Variants in PIK3C2G observed in about 807,000 individuals in gnomAD.
PIK3C2G encodes phosphatidylinositol-4-phosphate 3-kinase catalytic subunit type 2 gamma.
In PIK3C2G, 168 loss-of-function variants were observed where a neutral mutation model predicts 181.1. That is an observed-to-expected ratio of 0.93 (90% CI 0.82 to 1.05). The LOEUF (loss-of-function observed/expected upper bound fraction) is 1.05. PIK3C2G is among the 50% of genes least tolerant of loss of function. The probability of loss-of-function intolerance (pLI) is 0.00; values close to 1 mark genes in which losing one functional copy is unlikely to be tolerated. For missense variants in PIK3C2G, 1,869 were observed against 1,732.8 expected, an observed-to-expected ratio of 1.08 and a Z score of -1.40; for synonymous variants, 573 against 592.2, an observed-to-expected ratio of 0.97 and a Z score of 0.47.
chr12:18,611,835 T>C (rs1017821478), intron 31 of PIK3C2G, among the ~76,000 whole-genome samples: 1 of 152,124 alleles, frequency 6.6e-6, no homozygotes, highest in Non-Finnish European at 1.5e-5. Context: ...CTTCCACTTT[T>C]GGTTGAAGTC....
chr12:18,696,275 G>T, the PIK3C2G span: 17 of 1,297,110 alleles, frequency 1.3e-5, no homozygotes, highest in African/African-American at 1.7e-5. Flanking sequence ...GACTGAAAAA[G>T]AATAATTAAA....
the PIK3C2G span, chr12:18,714,881 C>A: frequency 6.6e-6 from 1 of 151,958 alleles, no homozygotes; most frequent in African/African-American, 2.4e-5. Flanking sequence ...GTTTGAGAAA[C>A]CCTGCTGTAA....
chr12:18,546,479 A>G, intron 26 of PIK3C2G, 47 bp downstream of exon 26: 1 of 990,750 alleles, frequency 1.0e-6, no homozygotes, highest in Non-Finnish European at 1.6e-6. Context: ...GAATGTACGC[A>G]GACACATGTT....
intron 1 of PIK3C2G, among the ~76,000 whole-genome samples, chr12:18,279,401 C>T (rs1406926644): frequency 6.6e-6 from 1 of 151,842 alleles, no homozygotes. Context: ...ACAAGATCGT[C>T]CAGCCTAAAG....
At chr12:18,612,921 T>C (rs561035162) in intron 31 of PIK3C2G, among the ~76,000 whole-genome samples, 2 of 152,258 alleles carry the variant, frequency 1.3e-5, no homozygotes, top group South Asian at 2.1e-4. Flanking sequence ...GCTAAAATTC[T>C]TTCCCTTTCA....
chr12:18,482,809 C>T (rs1017234753), intron 18 of PIK3C2G, among the ~76,000 whole-genome samples: 3 of 152,146 alleles, frequency 2.0e-5, no homozygotes, highest in African/African-American at 4.8e-5. Context: ...AAGTGGACAT[C>T]GTGGACTCAC....
intron 20 of PIK3C2G, among the ~76,000 whole-genome samples, chr12:18,495,128 CGTT>C (rs939307152): frequency 3.3e-5 from 5 of 152,142 alleles, no homozygotes; most frequent in African/African-American, 1.2e-4. Flanking sequence ...TTGTAGATAA[CGTT>C]GTTCAAGCTG....
chr12:18,292,901 G>C (rs1035853097), intron 4 of PIK3C2G, among the ~76,000 whole-genome samples: 4 of 152,120 alleles, frequency 2.6e-5, no homozygotes, highest in African/African-American at 9.7e-5. Context: ...TAAGGGCACA[G>C]GCCTTGGAGT....
At position 18,314,043 on chromosome 12, in the gene PIK3C2G, TC is replaced by T; in HGVS notation, c.1118del (p.Pro373GlnfsTer17). 6.4e-7 allele frequency: 1 copy of T among 1,573,886 alleles called. No homozygotes were observed. The highest frequency in any genetic ancestry group is 8.7e-7 in the Non-Finnish European group (1 of 1,154,366). On this transcript the variant is annotated frameshift_variant, in exon 6 of 33. Transcript: ENST00000538779. LOFTEE classifies it high-confidence loss of function. ...QLHLQKSREA[P>X]GKLSRKHEED... ...TCCACCTGCAGAAAAGTAGGGAAGC[TC>T]CAGGAAAGCTATCTCGAAAGGTAAG...
At chr12:18,343,470 C>G (rs1413555940) in intron 10 of PIK3C2G, 110 bp downstream of exon 10, 1 of 413,732 alleles carries the variant, frequency 2.4e-6, no homozygotes, top group Non-Finnish European at 4.4e-6. Context: ...ACACACAACA[C>G]ACACACACAC....
At chr12:18,261,096 A>G (rs536173592), upstream of PIK3C2G, among the ~76,000 whole-genome samples, 3 of 152,288 alleles carry the variant, frequency 2.0e-5, no homozygotes, top group South Asian at 6.2e-4. Context: ...GGTGAAACTC[A>G]CAGAATGGCT....
intron 30 of PIK3C2G, chr12:18,607,150 A>G (rs1231314994): frequency 1.9e-6 from 1 of 516,666 alleles, no homozygotes; most frequent in Non-Finnish European, 3.9e-6. Context: ...CACACAAACT[A>G]TTTTGCGTTT....
the PIK3C2G span, chr12:18,723,615 T>C: frequency 2.7e-6 from 3 of 1,115,902 alleles, no homozygotes; most frequent in Non-Finnish European, 4.0e-6. Context: ...AGAGTATTTA[T>C]GTAACATGTA....
At chr12:18,386,553 G>A (rs1478318749) in intron 14 of PIK3C2G, among the ~76,000 whole-genome samples, 5 of 152,116 alleles carry the variant, frequency 3.3e-5, no homozygotes, top group African/African-American at 1.2e-4. Context: ...TCTTATTTGT[G>A]GCCAGCTTCT....
intron 26 of PIK3C2G, among the ~76,000 whole-genome samples, chr12:18,552,356 T>A (rs79616786): frequency 6.6e-6 from 1 of 152,148 alleles, no homozygotes; most frequent in African/African-American, 2.4e-5. Flanking sequence ...AGAAATAGCA[T>A]GAGATGGAAA....
intron 30 of PIK3C2G, 50 bp from the exon 31 acceptor site, chr12:18,609,485 G>T: frequency 1.9e-6 from 2 of 1,036,894 alleles, no homozygotes; most frequent in Non-Finnish European, 2.9e-6. Context: ...GATTGTTCCT[G>T]TGCTGAGCTT....
At position 18,505,408 on chromosome 12, in the gene PIK3C2G, T is replaced by C. The variant is rs1478308396; in HGVS notation, c.3270T>C (p.His1090=). The part of the protein sequence containing the change: ...IMLTKSGHMF[H]IDFGKFLGHA... The stretch of plus-strand genomic sequence containing the variant: ...TGACAAAGTCGGGCCACATGTTTCA[T>C]ATTGACTTTGGAAAATTCTTAGGTC... The change falls in exon 24 of 33, where the codon CAT becomes CAC. Residue 1090 remains histidine (H), a synonymous_variant. Coordinates refer to ENST00000538779, the MANE Select transcript of PIK3C2G (RefSeq NM_001288772.2). 2 of 1,613,590 alleles carry C rather than the reference T, an allele frequency of 1.2e-6. No homozygotes were observed. The highest frequency in any genetic ancestry group is 1.1e-5 in the South Asian group (1 of 90,960).
chr12:18,407,141 C>T (rs891465214), intron 16 of PIK3C2G, among the ~76,000 whole-genome samples: 3 of 152,042 alleles, frequency 2.0e-5, no homozygotes, highest in Non-Finnish European at 2.9e-5. Context: ...ACATTCTTAT[C>T]ATGAATCCTT....
intron 3 of PIK3C2G, among the ~76,000 whole-genome samples, chr12:18,288,802 T>C (rs1949563955): frequency 6.6e-6 from 1 of 152,226 alleles, no homozygotes; most frequent in South Asian, 2.1e-4. Context: ...CAATTCTCTT[T>C]TTTAAAACAC....
Sources: gnomAD v4.1 joint callset for allele counts (sites outside exome capture counted in the v4.1 genomes callset) on GRCh38, gnomAD v4.1.1 for gene constraint, MANE v1.5 for transcripts, NCBI Gene and HGNC (gene_info 2026-07-23, HGNC 2026-07-21) for gene names.